NAV2: variants seen among roughly 807,000 people sequenced by gnomAD.
The protein encoded by NAV2 is helicase, APC down-regulated 1.
In NAV2, 54 loss-of-function variants were observed where a neutral mutation model predicts 223.2. The ratio of observed to expected loss-of-function variants is 0.24; its 90% CI spans 0.19 to 0.30. The LOEUF (loss-of-function observed/expected upper bound fraction) is 0.30. NAV2 is among the 10% of genes least tolerant of loss of function. The pLI is 1.00. For synonymous variants in NAV2, 1,279 were observed against 1,239.3 expected, an observed-to-expected ratio of 1.03 and a Z score of -0.67; for missense variants, 2,806 against 3,147.5, an observed-to-expected ratio of 0.89 and a Z score of 2.60.
chr11:19,605,810 G>A (rs1171465838), intron 1 of NAV2, among the ~76,000 whole-genome samples: 1 of 152,188 alleles, frequency 6.6e-6, no homozygotes, highest in African/African-American at 2.4e-5. Context: ...GATTTGGAAG[G>A]TCCTGGTATT....
chr11:19,528,008 A>T (rs2043899075), intron 1 of NAV2, among the ~76,000 whole-genome samples: 1 of 151,218 alleles, frequency 6.6e-6, no homozygotes, highest in African/African-American at 2.5e-5. Flanking sequence ...TTCTCTTAAC[A>T]AATGGTAGGG....
intron 6 of NAV2, among the ~76,000 whole-genome samples, chr11:19,932,969 G>T (rs2045524086): frequency 6.6e-6 from 1 of 152,202 alleles, no homozygotes; most frequent in Non-Finnish European, 1.5e-5. Flanking sequence ...TGATGGGGTT[G>T]GGGGGATGTG....
intron 1 of NAV2, among the ~76,000 whole-genome samples, chr11:19,456,583 G>A (rs1235179435): frequency 6.6e-6 from 1 of 152,164 alleles, no homozygotes; most frequent in Admixed American, 6.5e-5. Flanking sequence ...ACCCTACAAG[G>A]CCAGGTGGAC....
chr11:19,697,726 G>A (rs146914471), intron 1 of NAV2, among the ~76,000 whole-genome samples: 91 of 152,140 alleles, frequency 6.0e-4, no homozygotes, highest in African/African-American at 2.1e-3. Flanking sequence ...TTGCTGGGAG[G>A]GGCTTAGCAT....
intron 14 of NAV2, among the ~76,000 whole-genome samples, chr11:20,045,953 T>C (rs539232199): frequency 6.6e-6 from 1 of 152,328 alleles, no homozygotes; most frequent in African/African-American, 2.4e-5. Flanking sequence ...TTTCCTCACC[T>C]GTAAAATGGG....
intron 1 of NAV2, among the ~76,000 whole-genome samples, chr11:19,716,557 C>G (rs2050331753): frequency 6.6e-6 from 1 of 152,142 alleles, no homozygotes; most frequent in Non-Finnish European, 1.5e-5. Flanking sequence ...CTTATTCTCT[C>G]AAGCCCCTGG....
intron 1 of NAV2, among the ~76,000 whole-genome samples, chr11:19,724,539 T>C (rs180832567): frequency 6.6e-6 from 1 of 152,286 alleles, no homozygotes; most frequent in Non-Finnish European, 1.5e-5. Flanking sequence ...AATTGCTTCA[T>C]ATTAGGAAGC....
At chr11:19,888,335 G>A (rs1232277254) in intron 5 of NAV2, among the ~76,000 whole-genome samples, 1 of 152,126 alleles carries the variant, frequency 6.6e-6, no homozygotes, top group Non-Finnish European at 1.5e-5. Flanking sequence ...GCCTCAGTGA[G>A]GCAGGCCCAG....
intron 3 of NAV2, among the ~76,000 whole-genome samples, chr11:19,851,565 G>A (rs1352956095): frequency 6.6e-6 from 1 of 152,164 alleles, no homozygotes; most frequent in Non-Finnish European, 1.5e-5. Flanking sequence ...TACCTTCTAG[G>A]GTTGTTGTGA....
At chr11:19,860,779 G>A (rs1418388790) in intron 3 of NAV2, among the ~76,000 whole-genome samples, 2,357 of 152,088 alleles carry the variant, frequency 0.015, 31 homozygotes, top group African/African-American at 0.054. Flanking sequence ...CTGCAATCCC[G>A]GCACCTCGGG....
At chr11:19,392,202 A>G (rs974625503) in intron 1 of NAV2, among the ~76,000 whole-genome samples, 1 of 152,128 alleles carries the variant, frequency 6.6e-6, no homozygotes, top group African/African-American at 2.4e-5. Flanking sequence ...GCTCATTGCA[A>G]ACTATTTGAG....
chr11:20,027,585 G>A, intron 11 of NAV2: 1 of 416,538 alleles, frequency 2.4e-6, no homozygotes, highest in Non-Finnish European at 3.2e-6. Flanking sequence ...AGGGCCTCCT[G>A]GAAGCAGACC....
At chr11:19,511,079 G>T (rs551510297) in intron 1 of NAV2, 9 of 152,338 alleles carry the variant, frequency 5.9e-5, no homozygotes, top group Middle Eastern at 3.4e-3. Flanking sequence ...AAGTCCAGGA[G>T]GTTCAAGGGA....
At chr11:19,394,582 C>T (rs971020749) in intron 1 of NAV2, among the ~76,000 whole-genome samples, 1 of 152,136 alleles carries the variant, frequency 6.6e-6, no homozygotes, top group African/African-American at 2.4e-5. Flanking sequence ...AATGATAGGG[C>T]CTCACAGACA....
intron 1 of NAV2, among the ~76,000 whole-genome samples, chr11:19,439,320 G>C (rs1321613742): frequency 6.6e-6 from 1 of 152,118 alleles, no homozygotes; most frequent in Non-Finnish European, 1.5e-5. Flanking sequence ...AGGGTAGGAG[G>C]AGAGAGAGGA....
rs752659389 is a variant in NAV2, at chr11:20,055,810, A to T, written c.4684A>T (p.Thr1562Ser). ...CACCCAGATGAGCTTGTCCAACCCG[A>T]CCATGCTGAGGACTCACAGCCTCTC... Reference protein sequence around the residue: ...TVTQMSLSNPTMLRTHSLSNA... With the variant: ...TVTQMSLSNPSMLRTHSLSNA... Residue 1562 changes from threonine (T) to serine (S), a missense_variant, in exon 19 of 38, where the codon ACC becomes TCC. Physicochemically the swap from Thr to Ser is moderately conservative, Grantham distance 58. Around this residue, in one of 4 missense-constraint regions of NAV2, gnomAD observed 742 missense variants for 777.9 expected, o/e 0.95. Transcript: ENST00000349880. The T allele has an allele frequency of 1.9e-6, 3 of 1,614,066 alleles. No homozygotes were observed. Among genetic ancestry groups the T allele is most frequent in the Admixed American group, 3.3e-5 (2 of 60,020 alleles).
At chr11:19,360,806 G>T (rs902861278) in intron 1 of NAV2, among the ~76,000 whole-genome samples, 2 of 152,326 alleles carry the variant, frequency 1.3e-5, no homozygotes, top group African/African-American at 4.8e-5. Context: ...ATCATCTCTT[G>T]AATGTTTGTC....
chr11:19,413,068 A>T lies in NAV2; in HGVS notation c.75+62041A>T, dbSNP rs1337182994. Reference sequence around the variant, plus strand: ...CCAGCAAGGGAACAAAACTGGACGGAGAATGAGTTTGAAAAATTGACAGAA... The same window carrying T: ...CCAGCAAGGGAACAAAACTGGACGGTGAATGAGTTTGAAAAATTGACAGAA... On this transcript the variant is annotated intron_variant, in intron 1 of 37. Coordinates refer to the NAV2 transcript ENST00000360655. 2.6e-5 allele frequency among the ~76,000 whole-genome samples: 4 copies of T among 152,334 alleles called. No individual in the cohort carries two copies. The East Asian group carries it at 7.7e-4, about 29-fold the overall frequency.
intron 9 of NAV2, among the ~76,000 whole-genome samples, chr11:19,948,362 GCACTGCATCTGGCCTGGAAAGTGAGC>G (rs1424733757): frequency 2.0e-5 from 3 of 152,172 alleles, no homozygotes; most frequent in East Asian, 1.9e-4. Context: ...AGGATTACAG[GCACTGCATCTGGCCTGGAAAGTGAGC>G]CACTGCATCT....
Sources: gnomAD v4.1 joint callset for allele counts (sites outside exome capture counted in the v4.1 genomes callset) on GRCh38, gnomAD v4.1.1 for gene constraint, gnomAD v4.1.1 regional missense constraint, MANE v1.5 for transcripts, NCBI Gene and HGNC (gene_info 2026-07-23, HGNC 2026-07-21) for gene names.